Variants in CALCR observed in about 807,000 individuals in gnomAD.
The protein encoded by CALCR is calcitonin receptor.
Under a neutral mutation model 59.5 loss-of-function variants are expected in CALCR, and 47 were observed. The observed-to-expected ratio is 0.79, with a 90% CI of 0.63 to 1.01. The LOEUF is 1.01. Among genes scored for constraint, CALCR ranks in the 50% least tolerant of loss-of-function variants. The pLI is 0.00. For synonymous variants in CALCR, 213 were observed against 211.3 expected (o/e 1.01, Z -0.07); for missense variants, 566 against 597.1 (o/e 0.95, Z 0.54).
intron 3 of CALCR, among the ~76,000 whole-genome samples, chr7:93,486,620 A>C (rs1266887847): frequency 6.6e-6 from 1 of 151,486 alleles, no homozygotes; most frequent in Non-Finnish European, 1.5e-5. Context: ...AAAACATTTT[A>C]CCTGAGAATA....
At position 93,478,636 on chromosome 7, in the gene CALCR, AATATAT is replaced by A. The variant is rs10543619; in HGVS notation, c.205+712_205+717del. On this transcript the variant is annotated intron_variant, in intron 4 of 13. Transcript: ENST00000426151. ...GGCGAGAGAGTGAGACCCTGTCTTAAATATATATATATATATATATATATAGTAAAA... is the reference window on the plus strand; with the variant it reads ...GGCGAGAGAGTGAGACCCTGTCTTAAATATATATATATATATATAGTAAAA... Among the ~76,000 whole-genome samples, 692 of 147,496 alleles carry A rather than the reference AATATAT, an allele frequency of 4.7e-3. 5 individuals carry two copies. The highest frequency in any genetic ancestry group is 0.012 in the South Asian group (57 of 4,670).
intron 3 of CALCR, among the ~76,000 whole-genome samples, chr7:93,482,525 T>C (rs751489945): frequency 2.6e-5 from 4 of 151,808 alleles, no homozygotes; most frequent in Non-Finnish European, 1.5e-5. Context: ...TTCCCAAAAG[T>C]AACATTCTGA....
chr7:93,481,496 T>G (rs1215785267), intron 3 of CALCR, among the ~76,000 whole-genome samples: 2 of 151,752 alleles, frequency 1.3e-5, no homozygotes, highest in African/African-American at 4.8e-5. Context: ...ATAATTAGCC[T>G]AGATATTTGG....
chr7:93,499,182 T>C (rs1302046777), intron 2 of CALCR, among the ~76,000 whole-genome samples: 3 of 151,674 alleles, frequency 2.0e-5, no homozygotes, highest in African/African-American at 7.2e-5. Context: ...AATGTATAGA[T>C]AAATATTGAC....
intron 3 of CALCR, among the ~76,000 whole-genome samples, chr7:93,486,321 T>A (rs1310965178): frequency 6.6e-6 from 1 of 151,614 alleles, no homozygotes; most frequent in Non-Finnish European, 1.5e-5. Context: ...ATATTTCCGA[T>A]TACTTGCTAA....
In CALCR at chr7:93,564,764, T is replaced by C. The variant is rs563116611; in HGVS notation, c.-27+9525A>G. ...CCACCACACCCAGCCAATTTTTTTT[T>C]TTTTCCTGAAGGTAGCCCGTGTTTA... On this transcript the variant is annotated intron_variant, in intron 2 of 13. Transcript: ENST00000426151. Among the ~76,000 whole-genome samples the C allele has an allele frequency of 1.8e-4, 27 of 152,036 alleles. No individual in the cohort carries two copies. In the South Asian group the frequency reaches 2.9e-3, roughly 16 times the overall value.
intron 6 of CALCR, 148 bp from the exon 7 acceptor site, chr7:93,468,954 AAATT>A: frequency 2.1e-6 from 1 of 476,552 alleles, no homozygotes; most frequent in South Asian, 4.6e-5. Context: ...TCAGATAGTG[AAATT>A]AATTTTTAGC....
intron 2 of CALCR, among the ~76,000 whole-genome samples, chr7:93,527,732 T>C (rs1788706290): frequency 6.6e-6 from 1 of 152,128 alleles, no homozygotes; most frequent in Admixed American, 6.6e-5. Flanking sequence ...CCAAATCTAT[T>C]ATAAAAGATG....
chr7:93,507,040 C>G (rs1172874283), intron 2 of CALCR, among the ~76,000 whole-genome samples: 2 of 152,182 alleles, frequency 1.3e-5, no homozygotes, highest in Non-Finnish European at 2.9e-5. Context: ...CCATGTGGAA[C>G]TGTGAGTCCA....
At chr7:93,515,218 A>G (rs983327300) in intron 2 of CALCR, among the ~76,000 whole-genome samples, 1 of 152,066 alleles carries the variant, frequency 6.6e-6, no homozygotes, top group Non-Finnish European at 1.5e-5. Flanking sequence ...GACTAAAAAA[A>G]TTTCTAACAT....
chr7:93,465,134 T>C (rs1189315662), intron 7 of CALCR, among the ~76,000 whole-genome samples: 2 of 151,950 alleles, frequency 1.3e-5, no homozygotes, highest in East Asian at 3.9e-4. Context: ...TGAGTCAAAA[T>C]AAATGCTAAT....
intron 2 of CALCR, among the ~76,000 whole-genome samples, chr7:93,487,767 GT>G (rs1584576705): frequency 1.3e-5 from 2 of 151,330 alleles, no homozygotes; most frequent in East Asian, 1.9e-4. Flanking sequence ...GGGGTGAGTG[GT>G]TATGACTGTA....
intron 2 of CALCR, among the ~76,000 whole-genome samples, chr7:93,550,859 C>G (rs1403478830): frequency 1.3e-5 from 2 of 152,126 alleles, no homozygotes; most frequent in Non-Finnish European, 2.9e-5. Flanking sequence ...CAGCTCCTAG[C>G]AATCCAACAC....
intron 2 of CALCR, among the ~76,000 whole-genome samples, chr7:93,549,964 A>G (rs1789401479): frequency 6.6e-6 from 1 of 152,224 alleles, no homozygotes; most frequent in Non-Finnish European, 1.5e-5. Context: ...CAGACTGGCA[A>G]TATAATTAAA....
At chr7:93,503,284 A>G (rs1801359430) in intron 2 of CALCR, among the ~76,000 whole-genome samples, 1 of 152,128 alleles carries the variant, frequency 6.6e-6, no homozygotes, top group South Asian at 2.1e-4. Flanking sequence ...CGCTTTGCTC[A>G]GATGAGGTAA....
intron 2 of CALCR, among the ~76,000 whole-genome samples, chr7:93,570,741 G>T (rs187314811): frequency 9.7e-4 from 148 of 152,302 alleles, no homozygotes; most frequent in African/African-American, 3.0e-3. Context: ...AGTGCTGCCA[G>T]CTTCAATGAG....
chr7:93,513,444 T>G (rs1801590286), intron 2 of CALCR, among the ~76,000 whole-genome samples: 1 of 152,162 alleles, frequency 6.6e-6, no homozygotes, highest in Admixed American at 6.6e-5. Context: ...TAAAAGCTAT[T>G]TCTTCTCTTT....
chr7:93,446,750 C>T (rs1329932174), intron 8 of CALCR, among the ~76,000 whole-genome samples: 4 of 151,934 alleles, frequency 2.6e-5, no homozygotes, highest in African/African-American at 7.2e-5. Context: ...GGAAGTCACT[C>T]AGATCAGATC....
At chr7:93,456,923 A>T (rs1406693794) in intron 8 of CALCR, among the ~76,000 whole-genome samples, 2 of 152,158 alleles carry the variant, frequency 1.3e-5, no homozygotes, top group Admixed American at 1.3e-4. Context: ...CTAGGAAATC[A>T]GGTGCCTAGT....
Sources: allele counts gnomAD v4.1 joint callset (sites outside exome capture counted in the v4.1 genomes callset), GRCh38; gene constraint gnomAD v4.1.1; transcripts MANE v1.5; gene names NCBI Gene and HGNC (gene_info 2026-07-23, HGNC 2026-07-21).